MYH14: variants seen among roughly 807,000 people sequenced by gnomAD.
MYH14 encodes myosin-14.
MYH14 carries 123 observed loss-of-function variants against 255.5 expected under a neutral mutation model. The ratio of observed to expected loss-of-function variants is 0.48; its 90% CI spans 0.42 to 0.56. MYH14 has a LOEUF of 0.56. MYH14 is among the 20% of genes least tolerant of loss of function. MYH14 has a pLI of 0.00. For synonymous variants in MYH14, 1,095 were observed against 1,161.2 expected, an observed-to-expected ratio of 0.94 and a Z score of 1.16; for missense variants, 2,423 against 2,802.3, an observed-to-expected ratio of 0.86 and a Z score of 3.06.
In MYH14 at chr19:50,224,139, C is replaced by T. The variant is rs1259460453; in HGVS notation, c.694-15C>T. 1.2e-6 allele frequency: 2 copies of T among 1,610,048 alleles called. No individual in the cohort carries two copies. Among genetic ancestry groups the T allele is most frequent in the Admixed American group, 3.3e-5 (2 of 59,800 alleles). ...TGTGTCCTGGTCCGTGTCTCGTGTC[C>T]CGTGACTTCCTCAGGCCTCCGTCAG... is the stretch of plus-strand genomic sequence containing the variant. On this transcript the variant is annotated splice_polypyrimidine_tract_variant and intron_variant, in intron 5 of 42. Coordinates refer to ENST00000642316, the MANE Select transcript of MYH14 (RefSeq NM_001145809.2).
intron 1 of MYH14, among the ~76,000 whole-genome samples, chr19:50,207,276 A>AGAGAGAGAGAGAGG (rs2123141347): frequency 7.7e-6 from 1 of 130,024 alleles, no homozygotes; most frequent in South Asian, 2.8e-4. Flanking sequence ...AGAGACAGAG[A>AGAGAGAGAGAGAGG]GAGAGAGAGA....
At chr19:50,242,752 G>T (rs531429777) in intron 10 of MYH14, among the ~76,000 whole-genome samples, 1 of 152,186 alleles carries the variant, frequency 6.6e-6, no homozygotes, top group Non-Finnish European at 1.5e-5. Flanking sequence ...TGGTGTGTTC[G>T]TGGTCATTTA....
At chr19:50,248,082 GAAAA>G (rs2034204790) in intron 12 of MYH14, among the ~76,000 whole-genome samples, 1 of 149,038 alleles carries the variant, frequency 6.7e-6, no homozygotes, top group African/African-American at 2.5e-5. Context: ...AAAAAGAAAA[GAAAA>G]AAAGAAAATT....
chr19:50,301,365 C>G (rs917349120), intron 39 of MYH14, among the ~76,000 whole-genome samples: 3 of 152,230 alleles, frequency 2.0e-5, no homozygotes, highest in Admixed American at 6.5e-5. Context: ...CATTCACAGT[C>G]AGAAGTAGAA....
At chr19:50,228,931 T>C (rs1219638412) in intron 8 of MYH14, among the ~76,000 whole-genome samples, 1 of 152,166 alleles carries the variant, frequency 6.6e-6, no homozygotes, top group African/African-American at 2.4e-5. Context: ...CCTGTGTGGC[T>C]GACCCCTCGG....
Position 50,254,190 on chromosome 19 carries a change from CT to C in MYH14, c.1946-1029del, listed in dbSNP as rs539856222. 2.0e-3 allele frequency among the ~76,000 whole-genome samples: 303 copies of C among 148,838 alleles called. 2 individuals are homozygous for C. The highest frequency in any genetic ancestry group is 7.2e-3 in the African/African-American group (290 of 40,250). ...CGAGATCGTGCCATTGCACTCCAGC[CT>C]GGGCAACAAGAGTGAAACTCTGTCT... On this transcript the variant is annotated intron_variant, in intron 16 of 42. Transcript: ENST00000642316.
At chr19:50,292,627 C>A (rs2036123947) in intron 37 of MYH14, among the ~76,000 whole-genome samples, 1 of 151,974 alleles carries the variant, frequency 6.6e-6, no homozygotes, top group Middle Eastern at 3.2e-3. Context: ...GTGTGTCTTA[C>A]CATGTGGCCT....
At chr19:50,307,218 C>A in intron 41 of MYH14, 61 bp downstream of exon 41, 1 of 1,053,458 alleles carries the variant, frequency 9.5e-7, no homozygotes, top group Non-Finnish European at 1.4e-6. Context: ...AGAAATTGCA[C>A]AGGCTGTCTC....
At position 50,208,606 on chromosome 19, in the gene MYH14, T is replaced by C. The variant is rs1329267616; in HGVS notation, c.-3-1757T>C. Among the ~76,000 whole-genome samples the C allele has an allele frequency of 1.6e-4, 25 of 152,236 alleles. 1 individual carries two copies. Among genetic ancestry groups the C allele is most frequent in the Admixed American group, 1.6e-3 (25 of 15,278 alleles). ...GTCTCCTGGGATTACAGCAGCTCTG[T>C]CAAATAGCAATATAATACAGGCCAG... On this transcript the variant is annotated intron_variant, in intron 1 of 42. Coordinates refer to ENST00000642316, the MANE Select transcript of MYH14 (RefSeq NM_001145809.2).
At chr19:50,299,361 G>C (rs1283584352) in intron 39 of MYH14, among the ~76,000 whole-genome samples, 1 of 152,016 alleles carries the variant, frequency 6.6e-6, no homozygotes, top group Admixed American at 6.6e-5. Context: ...CCTGAGGTCA[G>C]GAGTTTGAGA....
intron 13 of MYH14, 52 bp from the exon 14 acceptor site, chr19:50,249,598 G>T: frequency 6.2e-7 from 1 of 1,610,342 alleles, no homozygotes. Context: ...CCCTGTCTCT[G>T]GGTCTCTGTC....
intron 12 of MYH14, 71 bp from the exon 13 acceptor site, chr19:50,248,916 C>G (rs766071732): frequency 1.4e-5 from 22 of 1,561,926 alleles, no homozygotes; most frequent in Non-Finnish European, 1.8e-5. Flanking sequence ...GGCCCTTCCC[C>G]GGTTCACCCC....
intron 42 of MYH14, 44 bp downstream of exon 42, chr19:50,309,221 T>A (rs773616242): frequency 1.3e-6 from 2 of 1,579,116 alleles, no homozygotes; most frequent in East Asian, 2.2e-5. Context: ...GGGAGCACCC[T>A]AACTCCATAA....
chr19:50,296,875 G>GT (rs1003920218), intron 39 of MYH14, among the ~76,000 whole-genome samples: 4 of 79,326 alleles, frequency 5.0e-5, no homozygotes, highest in Non-Finnish European at 1.3e-4. Context: ...CAACAGCAAC[G>GT]TTTTAAAAAA....
In MYH14 at chr19:50,292,256, C is replaced by T; in HGVS notation, c.5128-5C>T. 1 of 1,603,204 alleles carries T rather than the reference C, an allele frequency of 6.2e-7. No individual in the cohort carries two copies. Among genetic ancestry groups the T allele is most frequent in the Non-Finnish European group, 8.5e-7 (1 of 1,175,576 alleles). Reference sequence around the variant, plus strand: ...GAGCCCATCTACCTATTCCGTTCCACCCAGGCCCAGATGAAGGAGCTATGG... The same window carrying T: ...GAGCCCATCTACCTATTCCGTTCCATCCAGGCCCAGATGAAGGAGCTATGG... On this transcript the variant is annotated splice_polypyrimidine_tract_variant and splice_region_variant and intron_variant, in intron 36 of 42. Coordinates refer to ENST00000642316, the MANE Select transcript of MYH14 (RefSeq NM_001145809.2).
chr19:50,310,093 T>C lies in MYH14; in HGVS notation c.*303T>C. 4.0e-6 allele frequency: 2 copies of C among 498,334 alleles called. No individual in the cohort carries two copies. Among genetic ancestry groups the C allele is most frequent in the Non-Finnish European group, 3.6e-6 (1 of 278,636 alleles). 30.9% of individuals were successfully genotyped at this position (498,334 alleles called of 1,614,324 possible). A position where few individuals can be genotyped will look rare whatever the true frequency, so the allele number is the denominator to read the frequency against. On this transcript the variant is annotated 3_prime_UTR_variant, in exon 43 of 43. Coordinates refer to ENST00000642316, the MANE Select transcript of MYH14 (RefSeq NM_001145809.2). ...CTCCCTGTCCTCCTTTCTTCCCTCG[T>C]TATTGATCTATAGACATTAGGAAGG...
chr19:50,233,388 T>C (rs2033501955), intron 10 of MYH14, among the ~76,000 whole-genome samples: 1 of 152,188 alleles, frequency 6.6e-6, no homozygotes, highest in Non-Finnish European at 1.5e-5. Context: ...CAGGCTGGTC[T>C]CGAACCCCTG....
chr19:50,291,105 C>T (rs2036061352), intron 36 of MYH14, 57 bp downstream of exon 36: 2 of 1,570,480 alleles, frequency 1.3e-6, no homozygotes, highest in Non-Finnish European at 8.7e-7. Flanking sequence ...AAGCCCCAAC[C>T]ATCACTCCAG....
intron 21 of MYH14, 31 bp from the exon 22 acceptor site, chr19:50,263,281 C>T (rs1412223646): frequency 3.5e-6 from 5 of 1,418,784 alleles, no homozygotes; most frequent in Non-Finnish European, 4.7e-6. Context: ...TGGAGGCTCC[C>T]ACTCTGCCCC....
Sources: allele counts gnomAD v4.1 joint callset (sites outside exome capture counted in the v4.1 genomes callset), GRCh38; gene constraint gnomAD v4.1.1; transcripts MANE v1.5; gene names NCBI Gene and HGNC (gene_info 2026-07-23, HGNC 2026-07-21).